The following ELAPOR2 variants were observed in gnomAD, a reference collection of about 807,000 sequenced individuals.
ELAPOR2 encodes endosome-lysosome associated apoptosis and autophagy regulator family member 2.
A neutral mutation model predicts 120.7 loss-of-function variants in ELAPOR2; 89 were observed. The observed-to-expected ratio is 0.74, with a 90% CI of 0.62 to 0.88. The LOEUF (loss-of-function observed/expected upper bound fraction) is 0.88, where lower values mean the gene tolerates loss of function less well. Among genes scored for constraint, ELAPOR2 ranks in the 40% least tolerant of loss-of-function variants. ELAPOR2 has a pLI of 0.00. For missense variants in ELAPOR2, 1,134 were observed against 1,251.6 expected (o/e 0.91, Z 1.42); for synonymous variants, 444 against 444.9 (o/e 1.00, Z 0.03).
chr7:86,945,094 T>C, intron 3 of ELAPOR2, 48 bp from the exon 4 acceptor site: 1 of 1,504,508 alleles, frequency 6.6e-7, no homozygotes, highest in Non-Finnish European at 9.0e-7. Context: ...TTCTGAAACC[T>C]CTTCTATTCA....
chr7:86,947,435 G>C (rs1220611636), intron 3 of ELAPOR2, among the ~76,000 whole-genome samples: 1 of 152,116 alleles, frequency 6.6e-6, no homozygotes, highest in African/African-American at 2.4e-5. Context: ...TCAGAAAAAG[G>C]TTAGTAGAAA....
intron 21 of ELAPOR2, among the ~76,000 whole-genome samples, chr7:86,890,672 G>A (rs553385088): frequency 6.6e-6 from 1 of 152,048 alleles, no homozygotes; most frequent in South Asian, 2.1e-4. Context: ...AGACTCACTT[G>A]TTAGCTTGCA....
At chr7:87,002,278 G>C (rs750673485) in intron 1 of ELAPOR2, among the ~76,000 whole-genome samples, 6 of 152,158 alleles carry the variant, frequency 3.9e-5, no homozygotes, top group Non-Finnish European at 7.4e-5. Context: ...GGAGAAAGTG[G>C]CCTGATCTCT....
chr7:87,000,199 C>CAG (rs10645718), intron 1 of ELAPOR2, among the ~76,000 whole-genome samples: 57,344 of 151,832 alleles, frequency 0.38, 11,651 homozygotes, highest in African/African-American at 0.53. Flanking sequence ...TAAACACACA[C>CAG]ACACACAAAA....
Position 86,880,346 on chromosome 7 carries a change from G to T in ELAPOR2, c.*125C>A. 1.4e-6 allele frequency: 1 copy of T among 739,246 alleles called. No individual in the cohort carries two copies. The allele number at this position is 739,246 out of a possible 1,614,324, so 45.8% of individuals were successfully genotyped here. On this transcript the variant is annotated 3_prime_UTR_variant, in exon 22 of 22. Coordinates refer to ENST00000450689, the MANE Select transcript of ELAPOR2 (RefSeq NM_001142749.3). ...ATGTTTCAATCTCCTTCCCTTTTCA[G>T]CGGCATGGCCCTCCTCTGTGAGATC...
At chr7:86,905,801 A>C (rs1279649252) in intron 18 of ELAPOR2, among the ~76,000 whole-genome samples, 2 of 152,176 alleles carry the variant, frequency 1.3e-5, no homozygotes, top group Non-Finnish European at 2.9e-5. Context: ...AGATACCCCA[A>C]GGTATTCTGC....
At position 87,050,179 on chromosome 7, in the gene ELAPOR2, G is replaced by C. The variant is rs1213169621; in HGVS notation, c.189+9146C>G. 2.6e-5 allele frequency among the ~76,000 whole-genome samples: 4 copies of C among 152,148 alleles called. No homozygotes were observed. The East Asian group carries it at 5.8e-4, about 22-fold the overall frequency. On this transcript the variant is annotated intron_variant, in intron 1 of 21. Transcript: ENST00000450689. ...TAAACTAAAAGAGGGAGAGTAATAA[G>C]AGGTGACATTAGAGGCTTCATGGAG...
At chr7:86,907,574 T>C in intron 18 of ELAPOR2, 96 bp downstream of exon 18, 3 of 797,996 alleles carry the variant, frequency 3.8e-6, no homozygotes, top group Non-Finnish European at 5.9e-6. Context: ...GTTTTCTTTC[T>C]GCTTTATGTT....
intron 1 of ELAPOR2, among the ~76,000 whole-genome samples, chr7:87,021,035 A>G (rs1794023376): frequency 6.6e-6 from 1 of 152,086 alleles, no homozygotes; most frequent in South Asian, 2.1e-4. Context: ...TCTATGGGGT[A>G]GGTATTATTA....
intron 1 of ELAPOR2, among the ~76,000 whole-genome samples, chr7:86,986,378 G>A (rs1379977856): frequency 1.8e-5 from 2 of 110,678 alleles, no homozygotes; most frequent in African/African-American, 4.3e-5. Flanking sequence ...GCAGTGAGCC[G>A]AGATCCCGCC....
At chr7:87,028,322 C>T (rs990372443) in intron 1 of ELAPOR2, among the ~76,000 whole-genome samples, 8 of 152,096 alleles carry the variant, frequency 5.3e-5, no homozygotes, top group African/African-American at 1.9e-4. Flanking sequence ...ATATTCCTCT[C>T]ACTAGATCTA....
intron 18 of ELAPOR2, among the ~76,000 whole-genome samples, chr7:86,901,877 T>C (rs930067230): frequency 2.0e-5 from 3 of 152,198 alleles, no homozygotes; most frequent in African/African-American, 4.8e-5. Flanking sequence ...TCCCCTCTTG[T>C]ATGGGGCCCA....
At chr7:86,907,397 T>C (rs1242430427) in intron 18 of ELAPOR2, among the ~76,000 whole-genome samples, 2 of 151,976 alleles carry the variant, frequency 1.3e-5, no homozygotes, top group African/African-American at 4.8e-5. Context: ...ACAAGCAATA[T>C]AATTAATTTT....
intron 1 of ELAPOR2, among the ~76,000 whole-genome samples, chr7:86,997,703 C>T (rs1793170765): frequency 6.6e-6 from 1 of 152,152 alleles, no homozygotes; most frequent in Non-Finnish European, 1.5e-5. Context: ...TCATGAGCAT[C>T]CATTCCCACC....
At chr7:86,915,157 T>C (rs1251000023) in intron 12 of ELAPOR2, among the ~76,000 whole-genome samples, 1 of 152,068 alleles carries the variant, frequency 6.6e-6, no homozygotes, top group East Asian at 1.9e-4. Flanking sequence ...TTTTGTTTCA[T>C]GTGTGTGATC....
At chr7:86,925,940 G>A (rs906392757) in intron 9 of ELAPOR2, among the ~76,000 whole-genome samples, 1 of 152,012 alleles carries the variant, frequency 6.6e-6, no homozygotes, top group African/African-American at 2.4e-5. Context: ...ACATCTGGGA[G>A]TAGCTGCTAA....
chr7:87,000,739 A>G (rs912427874), intron 1 of ELAPOR2, among the ~76,000 whole-genome samples: 2 of 152,208 alleles, frequency 1.3e-5, no homozygotes, highest in African/African-American at 4.8e-5. Flanking sequence ...AAAACAAAAC[A>G]TCATCTACTG....
intron 1 of ELAPOR2, among the ~76,000 whole-genome samples, chr7:86,984,404 C>T (rs774947505): frequency 1.7e-4 from 26 of 152,332 alleles, no homozygotes; most frequent in South Asian, 4.2e-4. Flanking sequence ...CACCACATTG[C>T]ACTTATTCCA....
chr7:86,913,261 G>T, intron 13 of ELAPOR2, 57 bp from the exon 14 acceptor site: 1 of 1,546,410 alleles, frequency 6.5e-7, no homozygotes. Context: ...TGTACAACCA[G>T]ATTATGTCTT....
Sources: allele counts gnomAD v4.1 joint callset (sites outside exome capture counted in the v4.1 genomes callset), GRCh38; gene constraint gnomAD v4.1.1; transcripts MANE v1.5; gene names NCBI Gene and HGNC (gene_info 2026-07-23, HGNC 2026-07-21).